The following LMBRD1 variants were observed in gnomAD, a reference collection of about 807,000 sequenced individuals.
LMBRD1 encodes lysosomal cobalamin transport escort protein LMBD1.
In LMBRD1, 64 loss-of-function variants were observed where a neutral mutation model predicts 74.8. That is an observed-to-expected ratio of 0.86 (90% CI 0.70 to 1.05). The LOEUF is 1.05. LMBRD1 is among the 50% of genes least tolerant of loss of function. The pLI is 0.00. For synonymous variants in LMBRD1, 204 were observed against 216.3 expected (o/e 0.94, Z 0.50); for missense variants, 652 against 645.9 (o/e 1.01, Z -0.10).
At chr6:69,788,121 T>C (rs1488501668) in intron 2 of LMBRD1, among the ~76,000 whole-genome samples, 2 of 130,270 alleles carry the variant, frequency 1.5e-5, no homozygotes, top group Non-Finnish European at 1.8e-5. Flanking sequence ...GAAAATACTT[T>C]AGAAATTTTT....
chr6:69,780,868 T>A (rs79300186), intron 2 of LMBRD1, among the ~76,000 whole-genome samples: 4 of 151,688 alleles, frequency 2.6e-5, no homozygotes, highest in African/African-American at 4.9e-5. Context: ...CAGAAAATAG[T>A]AGGAAGGAAA....
chr6:69,790,779 T>C (rs185979044), intron 1 of LMBRD1: 50 of 364,208 alleles, frequency 1.4e-4, no homozygotes, highest in African/African-American at 9.2e-4. Flanking sequence ...TAACTAGCTT[T>C]GAATATTTTT....
At chr6:69,717,878 T>C (rs1363252400) in intron 8 of LMBRD1, among the ~76,000 whole-genome samples, 1 of 152,104 alleles carries the variant, frequency 6.6e-6, no homozygotes, top group African/African-American at 2.4e-5. Context: ...TGTATTTTTT[T>C]TGTAGAGATG....
At chr6:69,679,705 G>A (rs1765622188) in intron 14 of LMBRD1, among the ~76,000 whole-genome samples, 1 of 152,242 alleles carries the variant, frequency 6.6e-6, no homozygotes, top group East Asian at 1.9e-4. Context: ...TCCGGACTCT[G>A]ACAGACTTGG....
At position 69,700,398 on chromosome 6, in the gene LMBRD1, G is replaced by A. The variant is rs188357451; in HGVS notation, c.1188+367C>T. Among the ~76,000 whole-genome samples the A allele has an allele frequency of 2.0e-3, 302 of 151,666 alleles. 1 individual carries two copies. Among genetic ancestry groups the A allele is most frequent in the African/African-American group, 7.0e-3 (288 of 41,414 alleles). ...CTACTAAGAAATAATATAACTTTTGGACCAGGGTTTCTCAACCATGGAACT... is the reference window on the plus strand; with the variant it reads ...CTACTAAGAAATAATATAACTTTTGAACCAGGGTTTCTCAACCATGGAACT... On this transcript the variant is annotated intron_variant, in intron 12 of 15. Transcript: ENST00000649934.
intron 3 of LMBRD1, among the ~76,000 whole-genome samples, chr6:69,756,845 A>C (rs1765278323): frequency 6.6e-6 from 1 of 152,224 alleles, no homozygotes; most frequent in Non-Finnish European, 1.5e-5. Context: ...CCAGTAGTGC[A>C]TGGTTCCATA....
chr6:69,703,745 A>G (rs187640323), intron 9 of LMBRD1, among the ~76,000 whole-genome samples: 14 of 152,228 alleles, frequency 9.2e-5, no homozygotes, highest in Admixed American at 1.3e-4. Context: ...AAATTAAACT[A>G]TAGAGGTAAC....
At position 69,676,206 on chromosome 6, in the gene LMBRD1, A is replaced by G. The variant is rs1765541079; in HGVS notation, c.1575T>C (p.Asp525=). 1.9e-6 allele frequency: 3 copies of G among 1,613,382 alleles called. No individual in the cohort carries two copies. In the Admixed American group the frequency reaches 5.0e-5, roughly 27 times the overall value. ...CATCATCACTTATGTCTGAATCTTC[A>G]TCTACTCCTTCAATAACCGATTTCT... ...KGKKSVIEGV[D]EDSDISDDEP... Residue 525 remains aspartate (D), a synonymous_variant, in exon 16 of 16, where the codon GAT becomes GAC. Coordinates refer to ENST00000649934, the MANE Select transcript of LMBRD1 (RefSeq NM_018368.4).
intron 14 of LMBRD1, among the ~76,000 whole-genome samples, chr6:69,681,168 AT>A (rs892939599): frequency 1.3e-5 from 2 of 151,288 alleles, no homozygotes; most frequent in East Asian, 1.9e-4. Context: ...GGCTCAGATA[AT>A]TTTTTTTTCT....
In LMBRD1 at chr6:69,676,554, A is replaced by G; in HGVS notation, c.1418-13T>C. 6.4e-7 allele frequency: 1 copy of G among 1,572,686 alleles called. No homozygotes were observed. ...ACAGTACACTGATCTGTGAAAGCAA[A>G]TAAAAGACTATGGTGAGATAGGTTC... On this transcript the variant is annotated splice_polypyrimidine_tract_variant and intron_variant, in intron 14 of 15. Transcript: ENST00000649934.
At position 69,702,027 on chromosome 6, in the gene LMBRD1, A is replaced by G. The variant is rs975606373; in HGVS notation, c.916-74T>C. 4.9e-5 allele frequency: 42 copies of G among 853,172 alleles called. 1 individual carries two copies. The highest frequency in any genetic ancestry group is 6.7e-5 in the Non-Finnish European group (34 of 503,854). The allele number at this position is 853,172 out of a possible 1,614,324, so 52.9% of individuals were successfully genotyped here. A position where few individuals can be genotyped will look rare whatever the true frequency, so the allele number is the denominator to read the frequency against. ...TAAAAGCACAAAATCATTATATTCA[A>G]TATGAGTTGCTAGAATATGACAATG... On this transcript the variant is annotated intron_variant, in intron 9 of 15. Coordinates refer to ENST00000649934, the MANE Select transcript of LMBRD1 (RefSeq NM_018368.4).
At chr6:69,781,474 G>C (rs537031669) in intron 2 of LMBRD1, among the ~76,000 whole-genome samples, 9 of 152,078 alleles carry the variant, frequency 5.9e-5, no homozygotes, top group Admixed American at 3.9e-4. Context: ...TTAAAAAAGG[G>C]CATCAATATT....
At chr6:69,730,373 T>C (rs1326023039) in intron 7 of LMBRD1, among the ~76,000 whole-genome samples, 1 of 152,116 alleles carries the variant, frequency 6.6e-6, no homozygotes, top group Non-Finnish European at 1.5e-5. Flanking sequence ...TTGTGAAATC[T>C]ATTATTCAAA....
Position 69,791,058 on chromosome 6 carries a change from G to A in LMBRD1, c.70-586C>T, listed in dbSNP as rs558008098. Among the ~76,000 whole-genome samples, 17 of 152,320 alleles carry A rather than the reference G, an allele frequency of 1.1e-4. 1 individual carries two copies. Among genetic ancestry groups the A allele is most frequent in the Admixed American group, 9.8e-4 (15 of 15,298 alleles). On this transcript the variant is annotated intron_variant, in intron 1 of 15. Transcript: ENST00000649934. ...CATGTGCACAGCAAGGAGCTTTCCA[G>A]TGAAAAAAGTTCACTCAGAGGTAGA...
intron 3 of LMBRD1, among the ~76,000 whole-genome samples, chr6:69,774,088 C>T (rs1765634166): frequency 1.3e-5 from 2 of 152,170 alleles, no homozygotes; most frequent in South Asian, 4.1e-4. Context: ...TAATAATCCC[C>T]ATGTGTCATG....
chr6:69,779,641 T>C (rs943537642), intron 3 of LMBRD1, among the ~76,000 whole-genome samples: 1 of 152,114 alleles, frequency 6.6e-6, no homozygotes, highest in African/African-American at 2.4e-5. Context: ...TTGGTAATGA[T>C]AAAAGGAGAG....
chr6:69,736,572 T>C (rs189378904), intron 7 of LMBRD1, among the ~76,000 whole-genome samples: 172 of 152,350 alleles, frequency 1.1e-3, no homozygotes, highest in Middle Eastern at 3.4e-3. Context: ...GTTCTTGACA[T>C]TGACATTACA....
In LMBRD1 at chr6:69,790,424, G is replaced by C; in HGVS notation, c.118C>G (p.Arg40Gly). 6.2e-7 allele frequency: 1 copy of C among 1,613,928 alleles called. No homozygotes were observed. The highest frequency in any genetic ancestry group is 8.5e-7 in the Non-Finnish European group (1 of 1,179,910). Residue 40 changes from arginine (R) to glycine (G), a missense_variant, in exon 2 of 16, where the codon CGG becomes GGG. This residue lies in a region of LMBRD1 where 598 missense variants were observed against 581.8 expected (regional missense o/e 1.03). Coordinates refer to ENST00000649934, the MANE Select transcript of LMBRD1 (RefSeq NM_018368.4). ...WIYVRKYQSRRESEVVSTITA... is the reference protein window; with the variant it reads ...WIYVRKYQSRGESEVVSTITA... ...ATGGTGGAGACAACTTCACTTTCCCGCCGACTTTGGTATTTACGAACATAT... is the reference window on the plus strand; with the variant it reads ...ATGGTGGAGACAACTTCACTTTCCCCCCGACTTTGGTATTTACGAACATAT...
At position 69,700,872 on chromosome 6, in the gene LMBRD1, GA is replaced by G. The variant is rs757172535; in HGVS notation, c.1084-4del. 1.6e-4 allele frequency: 214 copies of G among 1,307,312 alleles called. No homozygotes were observed. The highest frequency in any genetic ancestry group is 1.3e-3 in the East Asian group (48 of 37,058). 81.0% of individuals were successfully genotyped at this position (1,307,312 alleles called of 1,614,324 possible). A position where few individuals can be genotyped will look rare whatever the true frequency, so the allele number is the denominator to read the frequency against. ...AGAATATAATCAAGAGGGAAAACCT[GA>G]AAAAAAAAGATGAAATTAAATTTAA... is the stretch of plus-strand genomic sequence containing the variant. On this transcript the variant is annotated splice_polypyrimidine_tract_variant and splice_region_variant and intron_variant, in intron 11 of 15. Coordinates refer to ENST00000649934, the MANE Select transcript of LMBRD1 (RefSeq NM_018368.4).
Sources: gnomAD v4.1 joint callset for allele counts (sites outside exome capture counted in the v4.1 genomes callset) on GRCh38, gnomAD v4.1.1 for gene constraint, gnomAD v4.1.1 regional missense constraint, MANE v1.5 for transcripts, NCBI Gene and HGNC (gene_info 2026-07-23, HGNC 2026-07-21) for gene names.